The following KATNIP variants were observed in gnomAD, a reference collection of about 807,000 sequenced individuals.
KATNIP encodes the protein katanin-interacting protein.
A neutral mutation model predicts 174.0 loss-of-function variants in KATNIP; 126 were observed. The ratio of observed to expected loss-of-function variants is 0.72; its 90% CI spans 0.63 to 0.84. The LOEUF is 0.84. KATNIP is among the 40% of genes least tolerant of loss of function. The pLI, the probability that KATNIP is intolerant of heterozygous loss-of-function variation, is 0.00. For synonymous variants in KATNIP, 810 were observed against 835.7 expected, an observed-to-expected ratio of 0.97 and a Z score of 0.53; for missense variants, 1,958 against 2,109.7, an observed-to-expected ratio of 0.93 and a Z score of 1.41.
chr16:27,634,697 C>T (rs1291295677), intron 5 of KATNIP, among the ~76,000 whole-genome samples: 1 of 152,206 alleles, frequency 6.6e-6, no homozygotes, highest in Non-Finnish European at 1.5e-5. Flanking sequence ...CATCTATCCC[C>T]CTCCTCTCCT....
intron 2 of KATNIP, among the ~76,000 whole-genome samples, chr16:27,605,499 G>A (rs2075672691): frequency 6.6e-6 from 1 of 152,206 alleles, no homozygotes; most frequent in African/African-American, 2.4e-5. Context: ...CTCAAGGTAT[G>A]TATTGGTAGC....
chr16:27,761,518 A>C lies in KATNIP; in HGVS notation c.3737A>C (p.His1246Pro), dbSNP rs751200942. 2 of 1,614,124 alleles carry C rather than the reference A, an allele frequency of 1.2e-6. No individual in the cohort carries two copies. The highest frequency in any genetic ancestry group is 8.5e-7 in the Non-Finnish European group (1 of 1,180,020). Reference sequence around the variant, plus strand: ...GGCCAGGCGCTGCCCATCCACCTGCACCAGATCTCTGCTTCCCCCAGAGAC... The same window carrying C: ...GGCCAGGCGCTGCCCATCCACCTGCCCCAGATCTCTGCTTCCCCCAGAGAC... ...KEGQALPIHLHQISASPRDLN... is the reference protein window; with the variant it reads ...KEGQALPIHLPQISASPRDLN... Residue 1246 changes from histidine to proline, a missense_variant, in exon 19 of 28, where the codon CAC (histidine) becomes CCC (proline). Physicochemically the swap from His to Pro is moderately conservative, Grantham distance 77. Around this residue, in one of 3 missense-constraint regions of KATNIP, gnomAD observed 1,557 missense variants for 1,617.8 expected, o/e 0.96. Transcript: ENST00000261588.
At position 27,751,707 on chromosome 16, in the gene KATNIP, A is replaced by G; in HGVS notation, c.3347-12A>G. ...GTGAGTTGACCTTTCTGTCATCTTG[A>G]TAACCCATTAGCCCCAGAGCACTTT... On this transcript the variant is annotated splice_polypyrimidine_tract_variant and intron_variant, in intron 16 of 27. Coordinates refer to ENST00000261588, the MANE Select transcript of KATNIP (RefSeq NM_015202.5). 1.9e-6 allele frequency: 3 copies of G among 1,613,768 alleles called. No individual in the cohort carries two copies. In the South Asian group the frequency reaches 3.3e-5, roughly 18 times the overall value.
At chr16:27,691,633 G>A (rs1038745521) in intron 8 of KATNIP, among the ~76,000 whole-genome samples, 1 of 152,246 alleles carries the variant, frequency 6.6e-6, no homozygotes, top group Non-Finnish European at 1.5e-5. Context: ...CATGTAGGAC[G>A]GTTCTGGAAA....
rs1031535425 is a variant in KATNIP, at chr16:27,655,656, G to A, written c.540+6921G>A. Among the ~76,000 whole-genome samples the A allele has an allele frequency of 2.0e-5, 3 of 152,266 alleles. No homozygotes were observed. In the East Asian group the frequency reaches 5.8e-4, roughly 29 times the overall value. On this transcript the variant is annotated intron_variant, in intron 6 of 27. Transcript: ENST00000261588. ...TACCGAGTGCCAAGCACCATGTTGA[G>A]CATGTAACATCCATCACGACGTTAA...
intron 7 of KATNIP, among the ~76,000 whole-genome samples, chr16:27,680,169 T>C (rs911324323): frequency 6.6e-6 from 1 of 152,066 alleles, no homozygotes; most frequent in Non-Finnish European, 1.5e-5. Context: ...TACCCTCCAC[T>C]TCTCCAGCAT....
chr16:27,571,480 C>T (rs981105215), intron 1 of KATNIP, among the ~76,000 whole-genome samples: 1 of 152,052 alleles, frequency 6.6e-6, no homozygotes, highest in African/African-American at 2.4e-5. Context: ...CCATAGAGAC[C>T]TAATGACTTA....
rs754110566 is a variant in KATNIP at position 27,771,634 on chromosome 16, C to T, written c.4180C>T (p.Pro1394Ser). 6.2e-7 allele frequency: 1 copy of T among 1,613,408 alleles called. No individual in the cohort carries two copies. Among genetic ancestry groups the T allele is most frequent in the Non-Finnish European group, 8.5e-7 (1 of 1,179,726 alleles). ...LECASMDYEA[P>S]LMPCGFIFQF... ...GTGTGCAAGCATGGACTACGAGGCA[C>T]CGCTGATGCCCTGTGGCTGTATCCT... Residue 1394 changes from proline (P) to serine (S), a missense_variant, in exon 22 of 28, where the codon CCG becomes TCG. By Grantham distance (74) the Pro-to-Ser change is moderately conservative. Coordinates refer to ENST00000261588, the MANE Select transcript of KATNIP (RefSeq NM_015202.5).
chr16:27,759,158 G>C (rs1340746509), intron 18 of KATNIP, among the ~76,000 whole-genome samples: 4 of 152,156 alleles, frequency 2.6e-5, no homozygotes, highest in Admixed American at 6.5e-5. Flanking sequence ...TGGGCTCCGG[G>C]GATACAGCAG....
intron 15 of KATNIP, among the ~76,000 whole-genome samples, chr16:27,745,950 T>G (rs1004547818): frequency 5.0e-5 from 7 of 141,264 alleles, no homozygotes; most frequent in Non-Finnish European, 1.1e-4. Flanking sequence ...AAGGCTCAAC[T>G]CCTCTGCTTT....
intron 20 of KATNIP, 104 bp from the exon 21 acceptor site, chr16:27,769,757 C>G: frequency 1.4e-6 from 2 of 1,395,314 alleles, no homozygotes; most frequent in Non-Finnish European, 2.0e-6. Context: ...GCGAAAGGCT[C>G]CCCATGGTGA....
At chr16:27,594,378 G>A (rs975645494) in intron 2 of KATNIP, among the ~76,000 whole-genome samples, 7 of 151,994 alleles carry the variant, frequency 4.6e-5, no homozygotes, top group Non-Finnish European at 1.0e-4. Flanking sequence ...TGTGGTGTCC[G>A]TGACTCACGT....
intron 2 of KATNIP, among the ~76,000 whole-genome samples, chr16:27,616,451 C>T (rs896344077): frequency 4.6e-5 from 7 of 151,986 alleles, no homozygotes; most frequent in South Asian, 2.1e-4. Flanking sequence ...TGAGGCCGGG[C>T]GCAGTGGCTC....
intron 2 of KATNIP, among the ~76,000 whole-genome samples, chr16:27,578,722 T>G (rs1386798431): frequency 6.6e-6 from 1 of 152,058 alleles, no homozygotes; most frequent in African/African-American, 2.4e-5. Context: ...AGATTACGGG[T>G]GTGTCCCACC....
At chr16:27,690,315 C>CACATAGAT (rs1555473958) in intron 8 of KATNIP, among the ~76,000 whole-genome samples, 53 of 128,746 alleles carry the variant, frequency 4.1e-4, no homozygotes, top group Non-Finnish European at 5.4e-4. Context: ...GACCCCATCT[C>CACATAGAT]AGATAGATAG....
chr16:27,727,229 C>T (rs1484946076), intron 14 of KATNIP: 1 of 229,822 alleles, frequency 4.4e-6, no homozygotes, highest in South Asian at 4.8e-5. Context: ...CTCTCTGCTG[C>T]CCAGGCTGGA....
intron 13 of KATNIP, among the ~76,000 whole-genome samples, chr16:27,709,340 G>T (rs575972407): frequency 1.3e-5 from 2 of 150,788 alleles, no homozygotes; most frequent in East Asian, 3.9e-4. Flanking sequence ...AAAAAAAATA[G>T]GCCGGGTATG....
chr16:27,621,422 G>A (rs923245150), intron 3 of KATNIP, among the ~76,000 whole-genome samples: 3 of 152,028 alleles, frequency 2.0e-5, no homozygotes, highest in African/African-American at 4.8e-5. Flanking sequence ...TCTCAGGCAG[G>A]TACTTCACTT....
intron 5 of KATNIP, chr16:27,632,488 C>T (rs914034494): frequency 2.5e-5 from 10 of 396,552 alleles, no homozygotes; most frequent in South Asian, 1.0e-4. Flanking sequence ...CAAAAAATGG[C>T]GGCATTAGCA....
Sources: allele counts gnomAD v4.1 joint callset (sites outside exome capture counted in the v4.1 genomes callset), GRCh38; gene constraint gnomAD v4.1.1; regional missense constraint gnomAD v4.1.1; transcripts MANE v1.5; gene names NCBI Gene and HGNC (gene_info 2026-07-23, HGNC 2026-07-21).